The following DNAJC13 variants were observed in gnomAD, a reference collection of about 807,000 sequenced individuals.
DNAJC13 encodes the protein dnaJ homolog subfamily C member 13.
In DNAJC13, 75 loss-of-function variants were observed where a neutral mutation model predicts 290.5. The ratio of observed to expected loss-of-function variants is 0.26; its 90% CI spans 0.21 to 0.31. The LOEUF is 0.31. Among genes scored for constraint, DNAJC13 ranks in the 10% least tolerant of loss-of-function variants. The probability of loss-of-function intolerance (pLI) is 1.00; values close to 1 mark genes in which losing one functional copy is unlikely to be tolerated. For missense variants in DNAJC13, 2,260 were observed against 2,674.5 expected, an observed-to-expected ratio of 0.85 and a Z score of 3.42; for synonymous variants, 862 against 892.0, an observed-to-expected ratio of 0.97 and a Z score of 0.60.
intron 6 of DNAJC13, among the ~76,000 whole-genome samples, chr3:132,451,127 GGTATTACT>G (rs1214208644): frequency 2.6e-5 from 4 of 151,978 alleles, no homozygotes; most frequent in African/African-American, 4.8e-5. Context: ...TATTTTCATT[GGTATTACT>G]GTCTTACCAA....
intron 44 of DNAJC13, among the ~76,000 whole-genome samples, chr3:132,511,776 A>T (rs1280469038): frequency 6.6e-6 from 1 of 152,196 alleles, no homozygotes; most frequent in Admixed American, 6.5e-5. Flanking sequence ...GAGATGGATG[A>T]GTGAAAATGT....
intron 43 of DNAJC13, among the ~76,000 whole-genome samples, chr3:132,509,378 A>G (rs1935700854): frequency 6.6e-6 from 1 of 152,230 alleles, no homozygotes; most frequent in Admixed American, 6.5e-5. Context: ...CTGCAATCTC[A>G]TTATAAAACT....
rs148344439 is a variant in DNAJC13 at position 132,440,140 on chromosome 3, C to G, written c.68+5522C>G. ...GGTGTGGTGGCGCAGGCCTGTAGTT[C>G]CAGCTACTCAGGAGGCTGAGATGGG... On this transcript the variant is annotated intron_variant, in intron 2 of 55. Transcript: ENST00000260818. Among the ~76,000 whole-genome samples the G allele has an allele frequency of 2.4e-3, 358 of 152,236 alleles. 1 individual carries two copies. Among genetic ancestry groups the G allele is most frequent in the African/African-American group, 8.3e-3 (343 of 41,532 alleles).
chr3:132,452,622 C>T (rs1933452459), intron 6 of DNAJC13, among the ~76,000 whole-genome samples: 2 of 152,130 alleles, frequency 1.3e-5, no homozygotes, highest in Non-Finnish European at 1.5e-5. Context: ...TTTTTGAGTG[C>T]CAACATGATG....
chr3:132,456,308 C>G lies in DNAJC13; in HGVS notation c.1006C>G (p.Pro336Ala), dbSNP rs968318438. 1.1e-5 allele frequency: 17 copies of G among 1,613,844 alleles called. No individual in the cohort carries two copies. Among genetic ancestry groups the G allele is most frequent in the Non-Finnish European group, 1.4e-5 (17 of 1,179,900 alleles). The change falls in exon 10 of 56, where the codon CCA (proline) becomes GCA (alanine). Residue 336 changes from proline (P) to alanine (A), a missense_variant. Pro to Ala is a conservative substitution (Grantham distance 27). Coordinates refer to ENST00000260818, the MANE Select transcript of DNAJC13 (RefSeq NM_015268.4). ...TAGAGATGTTTGTGTAAAAATGACA[C>G]CAACCCATAAAGGTCAGCGATGGGG... ...GNRDVCVKMT[P>A]THKGQRWGLL... is the part of the protein sequence containing the mutation.
intron 43 of DNAJC13, among the ~76,000 whole-genome samples, chr3:132,510,189 C>A (rs1371602722): frequency 6.6e-6 from 1 of 152,158 alleles, no homozygotes; most frequent in East Asian, 1.9e-4. Flanking sequence ...CATTTCATCA[C>A]AAGGGATATC....
chr3:132,513,464 G>A (rs577238755), intron 45 of DNAJC13, among the ~76,000 whole-genome samples: 1 of 152,250 alleles, frequency 6.6e-6, no homozygotes, highest in Admixed American at 6.5e-5. Context: ...GAGACATACT[G>A]AGGCCATATC....
In DNAJC13 at chr3:132,456,355, T is replaced by C. The variant is rs1489569708; in HGVS notation, c.1053T>C (p.Asp351=). The C allele has an allele frequency of 6.2e-7, 1 of 1,614,006 alleles. No individual in the cohort carries two copies. The change falls in exon 10 of 56, where the codon GAT becomes GAC. Residue 351 remains aspartate, a synonymous_variant. Coordinates refer to ENST00000260818, the MANE Select transcript of DNAJC13 (RefSeq NM_015268.4). The part of the protein sequence containing the change: ...QRWGLLSMPV[D]EEVESLHLRF... Reference sequence around the variant, plus strand: ...GGGGGTTACTCAGCATGCCTGTTGATGAGGAAGTAGAGAGCCTTCACCTCA... The same window carrying C: ...GGGGGTTACTCAGCATGCCTGTTGACGAGGAAGTAGAGAGCCTTCACCTCA...
chr3:132,529,126 A>G (rs533752442), intron 54 of DNAJC13, among the ~76,000 whole-genome samples: 1 of 151,464 alleles, frequency 6.6e-6, no homozygotes, highest in Admixed American at 6.6e-5. Context: ...CCTTCCCCCA[A>G]CCTTTGGCAC....
intron 43 of DNAJC13, among the ~76,000 whole-genome samples, chr3:132,507,739 AGTCATTCCTTG>A (rs1201552044): frequency 6.6e-6 from 1 of 152,192 alleles, no homozygotes; most frequent in Non-Finnish European, 1.5e-5. Flanking sequence ...TCCACCAACC[AGTCATTCCTTG>A]GTCTCCCTCT....
intron 12 of DNAJC13, 48 bp from the exon 13 acceptor site, chr3:132,457,221 T>G: frequency 7.5e-7 from 1 of 1,338,888 alleles, no homozygotes; most frequent in South Asian, 1.3e-5. Flanking sequence ...TATAACAATT[T>G]AAAATGTTCT....
At chr3:132,449,544 T>C (rs1317300546) in intron 5 of DNAJC13, among the ~76,000 whole-genome samples, 8 of 152,182 alleles carry the variant, frequency 5.3e-5, no homozygotes, top group Admixed American at 5.2e-4. Flanking sequence ...GTCTGCATAA[T>C]TACTTTTATG....
At chr3:132,499,386 C>A (rs1935341701) in intron 37 of DNAJC13, 76 bp downstream of exon 37, 3 of 1,233,408 alleles carry the variant, frequency 2.4e-6, no homozygotes, top group African/African-American at 3.0e-5. Context: ...AAGAATTCAG[C>A]AAGTACAAAT....
At chr3:132,476,966 A>C (rs934290893) in intron 22 of DNAJC13, among the ~76,000 whole-genome samples, 8 of 152,128 alleles carry the variant, frequency 5.3e-5, no homozygotes, top group Admixed American at 2.6e-4. Flanking sequence ...CTGTCACCCA[A>C]CTATCAAATA....
chr3:132,421,577 G>A (rs937600318), intron 1 of DNAJC13, among the ~76,000 whole-genome samples: 2 of 151,670 alleles, frequency 1.3e-5, no homozygotes, highest in African/African-American at 4.8e-5. Flanking sequence ...GACTACAGGC[G>A]CTTGCCACCA....
rs1576465037 is a variant in DNAJC13 at position 132,447,486 on chromosome 3, G to A, written c.294+16G>A. 15 of 1,541,144 alleles carry A rather than the reference G, an allele frequency of 9.7e-6. No individual in the cohort carries two copies. Among genetic ancestry groups the A allele is most frequent in the Admixed American group, 2.4e-5 (1 of 42,160 alleles). ...AGAAGCATTGGTAAGAAGATTCCAT[G>A]TTCATAAATAAAATTTCTTTCTTCT... is the stretch of plus-strand genomic sequence containing the variant. On this transcript the variant is annotated intron_variant, in intron 4 of 55. Coordinates refer to ENST00000260818, the MANE Select transcript of DNAJC13 (RefSeq NM_015268.4).
At chr3:132,481,977 T>C (rs760046959) in intron 26 of DNAJC13, among the ~76,000 whole-genome samples, 2 of 152,216 alleles carry the variant, frequency 1.3e-5, no homozygotes, top group Non-Finnish European at 2.9e-5. Context: ...TTAGCTTAGA[T>C]TGCTGAGTGT....
chr3:132,430,745 A>G (rs7615207), intron 1 of DNAJC13, among the ~76,000 whole-genome samples: 2,688 of 152,152 alleles, frequency 0.018, 89 homozygotes, highest in African/African-American at 0.062. Context: ...TTTTTTGGTG[A>G]GTCTTCAGAG....
rs549563188 is a variant in DNAJC13 at position 132,455,749 on chromosome 3, A to G, written c.933-486A>G. Among the ~76,000 whole-genome samples, 10 of 152,370 alleles carry G rather than the reference A, an allele frequency of 6.6e-5. No individual in the cohort carries two copies. In the South Asian group the frequency reaches 1.4e-3, roughly 22 times the overall value. ...CAAGACACCTAAGACTACATATTCT[A>G]TAATTCTGTTTTTATGAAGTTTCTT... On this transcript the variant is annotated intron_variant, in intron 9 of 55. Coordinates refer to ENST00000260818, the MANE Select transcript of DNAJC13 (RefSeq NM_015268.4).
Sources: gnomAD v4.1 joint callset for allele counts (sites outside exome capture counted in the v4.1 genomes callset) on GRCh38, gnomAD v4.1.1 for gene constraint, MANE v1.5 for transcripts, NCBI Gene and HGNC (gene_info 2026-07-23, HGNC 2026-07-21) for gene names.